KLHL1: variants seen among roughly 807,000 people sequenced by gnomAD.
KLHL1 encodes the protein kelch like family member 1, also known as kelch-like protein 1.
A neutral mutation model predicts 77.7 loss-of-function variants in KLHL1; 47 were observed. That is an observed-to-expected ratio of 0.60 (90% CI 0.48 to 0.77). The LOEUF (loss-of-function observed/expected upper bound fraction) is 0.77. Ranked by LOEUF, KLHL1 falls within the 30% of genes least tolerant of loss-of-function variation. The probability of loss-of-function intolerance (pLI) is 0.00; values close to 1 mark genes in which losing one functional copy is unlikely to be tolerated. For synonymous variants in KLHL1, 360 were observed against 325.2 expected, an observed-to-expected ratio of 1.11 and a Z score of -1.15; for missense variants, 925 against 910.8, an observed-to-expected ratio of 1.02 and a Z score of -0.20.
At chr13:70,069,901 G>T (rs530465400) in intron 1 of KLHL1, among the ~76,000 whole-genome samples, 272 of 152,074 alleles carry the variant, frequency 1.8e-3, no homozygotes, top group Non-Finnish European at 3.1e-3. Context: ...GGGCACGGTG[G>T]CTCATGCCTG....
At chr13:69,716,322 C>T (rs982561029) in intron 9 of KLHL1, among the ~76,000 whole-genome samples, 2 of 151,624 alleles carry the variant, frequency 1.3e-5, no homozygotes, top group Admixed American at 6.6e-5. Context: ...CTATTCTGTG[C>T]CAGAAATTGT....
At chr13:70,053,109 G>T (rs143051296) in intron 1 of KLHL1, among the ~76,000 whole-genome samples, 1 of 151,990 alleles carries the variant, frequency 6.6e-6, no homozygotes, top group Admixed American at 6.6e-5. Flanking sequence ...ATGAAAAAGC[G>T]ATGTGTAAAT....
intron 1 of KLHL1, among the ~76,000 whole-genome samples, chr13:70,082,329 A>T (rs1052513211): frequency 1.1e-3 from 162 of 142,090 alleles, no homozygotes; most frequent in African/African-American, 3.8e-3. Flanking sequence ...ACACACACAC[A>T]CACACACACA....
chr13:69,983,355 T>G (rs987311500), intron 1 of KLHL1, among the ~76,000 whole-genome samples: 2 of 151,888 alleles, frequency 1.3e-5, no homozygotes, highest in Non-Finnish European at 2.9e-5. Flanking sequence ...ATCTTGAAAT[T>G]TGTATGAAAT....
chr13:69,746,778 C>T (rs1272117530), intron 7 of KLHL1, among the ~76,000 whole-genome samples: 1 of 151,914 alleles, frequency 6.6e-6, no homozygotes, highest in Non-Finnish European at 1.5e-5. Flanking sequence ...TGAGAGACCA[C>T]AGTCACAATC....
At chr13:69,903,809 T>A (rs1249661099) in intron 4 of KLHL1, among the ~76,000 whole-genome samples, 1 of 151,486 alleles carries the variant, frequency 6.6e-6, no homozygotes, top group East Asian at 1.9e-4. Flanking sequence ...GCCCAGCTAA[T>A]TTTTGTATTT....
At chr13:69,832,329 A>G (rs1175243730) in intron 6 of KLHL1, among the ~76,000 whole-genome samples, 1 of 150,032 alleles carries the variant, frequency 6.7e-6, no homozygotes, top group Non-Finnish European at 1.5e-5. Context: ...AATTAAATCA[A>G]GAAATCAACT....
intron 2 of KLHL1, among the ~76,000 whole-genome samples, chr13:69,962,202 A>G (rs2137272040): frequency 6.6e-6 from 1 of 151,934 alleles, no homozygotes; most frequent in South Asian, 2.1e-4. Context: ...TGATTCTTAT[A>G]TTGTTACAAT....
rs1875363701 is a variant in KLHL1 at position 69,700,952 on chromosome 13, AATT to A, written c.*747_*749del. 2 of 152,368 alleles carry A rather than the reference AATT, an allele frequency of 1.3e-5. No homozygotes were observed. The highest frequency in any genetic ancestry group is 2.9e-5 in the Non-Finnish European group (2 of 67,850). 9.4% of individuals were successfully genotyped at this position (152,368 alleles called of 1,614,324 possible). A position where few individuals can be genotyped will look rare whatever the true frequency, so the allele number is the denominator to read the frequency against. ...ACTCAACATAAGGCAAAAGCCCAATAATTACACTGCATCTTTGGCTCAGTGTGT... is the reference window on the plus strand; with the variant it reads ...ACTCAACATAAGGCAAAAGCCCAATAACACTGCATCTTTGGCTCAGTGTGT... On this transcript the variant is annotated 3_prime_UTR_variant, in exon 11 of 11. Transcript: ENST00000377844.
intron 2 of KLHL1, among the ~76,000 whole-genome samples, chr13:69,969,431 G>A (rs1441329768): frequency 6.6e-6 from 1 of 152,056 alleles, no homozygotes; most frequent in African/African-American, 2.4e-5. Context: ...ATTAGTGTCA[G>A]ATGGTGAGTT....
chr13:69,747,977 A>T (rs1233843777), intron 7 of KLHL1, among the ~76,000 whole-genome samples: 1 of 152,092 alleles, frequency 6.6e-6, no homozygotes, highest in African/African-American at 2.4e-5. Context: ...GAACATTTAC[A>T]TTATCCATTA....
chr13:70,093,679 G>A (rs1460592676), intron 1 of KLHL1, among the ~76,000 whole-genome samples: 1 of 151,948 alleles, frequency 6.6e-6, no homozygotes, highest in Non-Finnish European at 1.5e-5. Flanking sequence ...GTTTGTATTT[G>A]ACATTTGTTT....
chr13:69,822,523 A>G (rs74090472), intron 6 of KLHL1, among the ~76,000 whole-genome samples: 1,670 of 152,298 alleles, frequency 0.011, 25 homozygotes, highest in African/African-American at 0.038. Flanking sequence ...TCAGACTTCC[A>G]AATACATGAA....
intron 9 of KLHL1, among the ~76,000 whole-genome samples, chr13:69,716,946 T>C (rs1366630996): frequency 6.6e-6 from 1 of 152,126 alleles, no homozygotes; most frequent in Admixed American, 6.6e-5. Context: ...AAGATGCTCT[T>C]ACTAGGGTGA....
intron 1 of KLHL1, among the ~76,000 whole-genome samples, chr13:70,098,844 T>C (rs1387303862): frequency 6.6e-6 from 1 of 151,886 alleles, no homozygotes; most frequent in Non-Finnish European, 1.5e-5. Flanking sequence ...TACATTTTTT[T>C]CAAGGCACCA....
At chr13:69,754,243 C>T (rs969457775) in intron 7 of KLHL1, among the ~76,000 whole-genome samples, 1 of 151,938 alleles carries the variant, frequency 6.6e-6, no homozygotes, top group Non-Finnish European at 1.5e-5. Flanking sequence ...TCAGGACAGC[C>T]AACTCTCTGA....
At chr13:69,922,389 G>A (rs1316472104) in intron 4 of KLHL1, among the ~76,000 whole-genome samples, 3 of 152,100 alleles carry the variant, frequency 2.0e-5, no homozygotes, top group Non-Finnish European at 4.4e-5. Context: ...TAAATATCTG[G>A]TATAGTAAAA....
At chr13:69,756,269 G>A (rs1874730851) in intron 7 of KLHL1, among the ~76,000 whole-genome samples, 1 of 152,218 alleles carries the variant, frequency 6.6e-6, no homozygotes, top group African/African-American at 2.4e-5. Flanking sequence ...AGCCATACCT[G>A]ATACAGAAAG....
chr13:69,863,179 A>G (rs1880238625), intron 5 of KLHL1, among the ~76,000 whole-genome samples: 1 of 152,082 alleles, frequency 6.6e-6, no homozygotes, highest in South Asian at 2.1e-4. Flanking sequence ...CATTTTGTAT[A>G]TGTTGTAATT....
Sources: allele counts gnomAD v4.1 joint callset (sites outside exome capture counted in the v4.1 genomes callset), GRCh38; gene constraint gnomAD v4.1.1; transcripts MANE v1.5; gene names NCBI Gene and HGNC (gene_info 2026-07-23, HGNC 2026-07-21).